Variants in RELN observed in about 807,000 individuals in gnomAD.
RELN encodes reelin.
In RELN, 108 loss-of-function variants were observed where a neutral mutation model predicts 427.6. That is an observed-to-expected ratio of 0.25 (90% CI 0.22 to 0.30). The LOEUF (loss-of-function observed/expected upper bound fraction) is 0.30, where lower values mean the gene tolerates loss of function less well. Ranked by LOEUF, RELN falls within the 10% of genes least tolerant of loss-of-function variation. RELN has a pLI of 1.00. For synonymous variants in RELN, 1,524 were observed against 1,513.4 expected (o/e 1.01, Z -0.16); for missense variants, 3,715 against 4,302.8 (o/e 0.86, Z 3.82).
rs748119997 is a variant in RELN, at chr7:103,589,812, G to C, written c.3929C>G (p.Ala1310Gly). ...TGGAGCAGTACTGCTGAATTGATTG[G>C]CACAACCTATGTTTAGCTGTTAAAA... The part of the protein sequence containing the change: ...VLQFKLNIGC[A>G]NQFSSTAPVL... The change falls in exon 28 of 65, where the codon GCC becomes GGC. Residue 1310 changes from alanine to glycine, a missense_variant. By Grantham distance (60) the Ala-to-Gly change is moderately conservative (BLOSUM62 0). Transcript: ENST00000428762. 1.9e-6 allele frequency: 3 copies of C among 1,604,444 alleles called. No homozygotes were observed. The highest frequency in any genetic ancestry group is 2.6e-6 in the Non-Finnish European group (3 of 1,171,340).
intron 4 of RELN, among the ~76,000 whole-genome samples, chr7:103,755,416 G>A (rs2116096251): frequency 6.6e-6 from 1 of 152,184 alleles, no homozygotes; most frequent in Admixed American, 6.5e-5. Flanking sequence ...AGACAATCCT[G>A]GCTAACACGG....
chr7:103,964,956 C>G (rs12669852), intron 1 of RELN, among the ~76,000 whole-genome samples: 2 of 152,054 alleles, frequency 1.3e-5, no homozygotes, highest in Non-Finnish European at 2.9e-5. Context: ...CTGTTTTGTG[C>G]TCTCTAAAAT....
At chr7:103,913,764 C>T (rs1034345130) in intron 2 of RELN, among the ~76,000 whole-genome samples, 5 of 152,054 alleles carry the variant, frequency 3.3e-5, no homozygotes, top group African/African-American at 1.2e-4. Flanking sequence ...AAACATTATT[C>T]ATGAAAATTA....
In RELN at chr7:103,603,313, G is replaced by A. The variant is rs746254049; in HGVS notation, c.3324C>T (p.Tyr1108=). Residue 1108 remains tyrosine, a synonymous_variant, in exon 24 of 65, where the codon TAC becomes TAT. Coordinates refer to ENST00000428762, the MANE Select transcript of RELN (RefSeq NM_005045.4). This position sits in a 1 kb window ranked among gnomAD's most constrained non-coding sequence, Gnocchi z 4.3. ...CAGCTGTTGGTCATACCTTGCTGAAGTACAGAGATGATCCAGAAGAGATGA... is the reference window on the plus strand; with the variant it reads ...CAGCTGTTGGTCATACCTTGCTGAAATACAGAGATGATCCAGAAGAGATGA... The part of the protein sequence containing the change: ...CGVISSGSSL[Y]FSKAGKRQLV... The A allele has an allele frequency of 1.2e-6, 2 of 1,613,574 alleles. No individual in the cohort carries two copies. The highest frequency in any genetic ancestry group is 1.7e-6 in the Non-Finnish European group (2 of 1,179,538).
In RELN at chr7:103,603,667, TC is replaced by T. The variant is rs1390984156; in HGVS notation, c.3147-178del. Among the ~76,000 whole-genome samples the T allele has an allele frequency of 6.6e-6, 1 of 152,136 alleles. No homozygotes were observed. The highest frequency in any genetic ancestry group is 6.6e-5 in the Admixed American group (1 of 15,264). On this transcript the variant is annotated intron_variant, in intron 23 of 64. Transcript: ENST00000428762. This position sits in a 1 kb window ranked among gnomAD's most constrained non-coding sequence, Gnocchi z 4.3. The stretch of plus-strand genomic sequence containing the variant: ...AGTAACAACCCTCAGTTTTTCATAC[TC>T]CCCTTAAAACTGATAGAATCTTTTC...
At chr7:103,583,333 T>A (rs1831197032) in intron 28 of RELN, among the ~76,000 whole-genome samples, 1 of 152,122 alleles carries the variant, frequency 6.6e-6, no homozygotes, top group Admixed American at 6.5e-5. Context: ...CCTAAAAAAA[T>A]CCCCTCTCAT....
chr7:103,938,875 A>T (rs1796046179), intron 1 of RELN, among the ~76,000 whole-genome samples: 1 of 152,184 alleles, frequency 6.6e-6, no homozygotes, highest in Non-Finnish European at 1.5e-5. Flanking sequence ...TCATGAAGGG[A>T]AAACTTATTT....
intron 64 of RELN, among the ~76,000 whole-genome samples, chr7:103,475,741 G>T (rs1828011422): frequency 6.6e-6 from 1 of 152,096 alleles, no homozygotes; most frequent in Non-Finnish European, 1.5e-5. Flanking sequence ...ACTTATTATG[G>T]AGCTGATTGA....
In RELN at chr7:103,551,223, G is replaced by A. The variant is rs374232523; in HGVS notation, c.6146C>T (p.Ala2049Val). The A allele has an allele frequency of 4.0e-5, 65 of 1,614,050 alleles. No homozygotes were observed. The highest frequency in any genetic ancestry group is 3.3e-4 in the Middle Eastern group (2 of 6,062). Reference sequence around the variant, plus strand: ...GAGGGGCAGCAGAAGGTGCCAGGTCGCCCCGAAGTCCCTTGAAAATTCCAG... The same window carrying A: ...GAGGGGCAGCAGAAGGTGCCAGGTCACCCCGAAGTCCCTTGAAAATTCCAG... The part of the protein sequence containing the change: ...VRLEFSRDFG[A>V]TWHLLLPLCY... Residue 2049 changes from alanine (A) to valine (V), a missense_variant, in exon 41 of 65, where the codon GCG becomes GTG. This residue lies in a region of RELN where 1,310 missense variants were observed against 1,643.0 expected (regional missense o/e 0.80). Coordinates refer to ENST00000428762, the MANE Select transcript of RELN (RefSeq NM_005045.4).
In RELN at chr7:103,574,102, T is replaced by C. The variant is rs1830941897; in HGVS notation, c.4501A>G (p.Arg1501Gly). The C allele has an allele frequency of 6.2e-7, 1 of 1,613,396 alleles. No homozygotes were observed. Among genetic ancestry groups the C allele is most frequent in the Non-Finnish European group, 8.5e-7 (1 of 1,179,284 alleles). ...REARTVPLDT[R>G]NIRLVQFYIQ... ...GTTAATACTTGTTACCTGATATTCC[T>C]GGTGTCCAGAGGGACCGTCCGGGCT... is the stretch of plus-strand genomic sequence containing the variant. Residue 1501 changes from arginine (R) to glycine (G), a missense_variant, in exon 30 of 65, where the codon AGG becomes GGG. Coordinates refer to ENST00000428762, the MANE Select transcript of RELN (RefSeq NM_005045.4).
At chr7:103,665,886 C>G (rs1232726627) in intron 11 of RELN, among the ~76,000 whole-genome samples, 12 of 136,864 alleles carry the variant, frequency 8.8e-5, no homozygotes, top group African/African-American at 3.1e-4. Flanking sequence ...CTCTCACTCT[C>G]TCATTAATCT....
rs554858569 is a variant in RELN at position 103,889,153 on chromosome 7, T to G, written c.337+27922A>C. 5.3e-5 allele frequency among the ~76,000 whole-genome samples: 8 copies of G among 152,318 alleles called. No homozygotes were observed. The South Asian group carries it at 1.7e-3, about 32-fold the overall frequency. ...AGCAGAGAGACCGTTTATACCATCT[T>G]TTAACTATTCTAAACCCTAAGATCC... On this transcript the variant is annotated intron_variant, in intron 2 of 64. Transcript: ENST00000428762.
rs138473254 is a variant in RELN at position 103,606,190 on chromosome 7, G to A, written c.3009-1707C>T. ...AGATTTTAATCTGAGTCAAGTCCAC[G>A]GCCACGGGTGACTAGATTGTGAGCT... is the stretch of plus-strand genomic sequence containing the variant. On this transcript the variant is annotated intron_variant, in intron 22 of 64. Coordinates refer to ENST00000428762, the MANE Select transcript of RELN (RefSeq NM_005045.4). 3.1e-4 allele frequency among the ~76,000 whole-genome samples: 47 copies of A among 152,236 alleles called. 1 individual carries two copies. The East Asian group carries it at 8.3e-3, about 27-fold the overall frequency.
chr7:103,487,401 GA>G (rs769886377), intron 60 of RELN, among the ~76,000 whole-genome samples: 12 of 71,242 alleles, frequency 1.7e-4, no homozygotes, highest in East Asian at 6.7e-4. Flanking sequence ...ACTTAAAGTA[GA>G]AAAAAAAAAA....
intron 43 of RELN, among the ~76,000 whole-genome samples, chr7:103,542,365 T>C (rs1830193090): frequency 6.6e-6 from 1 of 152,238 alleles, no homozygotes; most frequent in Non-Finnish European, 1.5e-5. Context: ...AAATAATTTC[T>C]ACATAGCGCA....
chr7:103,956,560 T>C (rs187682940), intron 1 of RELN, among the ~76,000 whole-genome samples: 5 of 152,284 alleles, frequency 3.3e-5, no homozygotes, highest in Non-Finnish European at 5.9e-5. Flanking sequence ...TCAAAACTTT[T>C]TAATTAGGAA....
intron 3 of RELN, among the ~76,000 whole-genome samples, chr7:103,795,278 G>A (rs1434330209): frequency 1.3e-5 from 2 of 152,214 alleles, no homozygotes; most frequent in Admixed American, 6.5e-5. Flanking sequence ...GCTTTAGAAA[G>A]TTGTCTTGTC....
At chr7:103,658,389 A>T (rs1385824393) in intron 12 of RELN, among the ~76,000 whole-genome samples, 1 of 152,106 alleles carries the variant, frequency 6.6e-6, no homozygotes, top group Admixed American at 6.6e-5. Flanking sequence ...TAACTATCTC[A>T]TTCTAAATCT....
Position 103,602,004 on chromosome 7 carries a change from T to G in RELN, c.3333+1300A>C, listed in dbSNP as rs140313920. Among the ~76,000 whole-genome samples the G allele has an allele frequency of 3.3e-3, 495 of 152,300 alleles. 6 individuals carry two copies. The highest frequency in any genetic ancestry group is 0.011 in the African/African-American group (474 of 41,562). On this transcript the variant is annotated intron_variant, in intron 24 of 64. Coordinates refer to ENST00000428762, the MANE Select transcript of RELN (RefSeq NM_005045.4). ...AACCAAGTCAGAGTAGGACCTGCGA[T>G]GTCTGCCCACCCCAGACAGCTGGTC...
Sources: allele counts gnomAD v4.1 joint callset (sites outside exome capture counted in the v4.1 genomes callset), GRCh38; gene constraint gnomAD v4.1.1; regional missense constraint gnomAD v4.1.1; non-coding constraint Gnocchi (gnomAD v3.1); transcripts MANE v1.5; gene names NCBI Gene and HGNC (gene_info 2026-07-23, HGNC 2026-07-21).